Variants in ENPP2 observed in about 807,000 individuals in gnomAD.
ENPP2 encodes the protein autotaxin.
A neutral mutation model predicts 120.2 loss-of-function variants in ENPP2; 51 were observed. The observed-to-expected ratio is 0.42, with a 90% CI of 0.34 to 0.54. ENPP2 has a LOEUF of 0.54. Ranked by LOEUF, ENPP2 falls within the 20% of genes least tolerant of loss-of-function variation. The pLI is 0.04. For synonymous variants in ENPP2, 365 were observed against 366.4 expected (o/e 1.00, Z 0.04); for missense variants, 920 against 1,066.5 (o/e 0.86, Z 1.91).
chr8:119,582,164 G>A (rs540398227), intron 18 of ENPP2, among the ~76,000 whole-genome samples: 198 of 152,306 alleles, frequency 1.3e-3, no homozygotes, highest in African/African-American at 4.6e-3. Flanking sequence ...GCACAGAATA[G>A]CAACATGAAT....
chr8:119,577,108 T>C (rs548674393), intron 19 of ENPP2, among the ~76,000 whole-genome samples: 2 of 152,338 alleles, frequency 1.3e-5, no homozygotes, highest in South Asian at 4.1e-4. Context: ...ATTAAAACAG[T>C]CACATATAAA....
At chr8:119,656,264 A>C (rs1001261111) in intron 1 of ENPP2, among the ~76,000 whole-genome samples, 2 of 152,140 alleles carry the variant, frequency 1.3e-5, no homozygotes, top group African/African-American at 4.8e-5. Context: ...TTTTGCAATT[A>C]ATCTCATGTG....
intron 1 of ENPP2, among the ~76,000 whole-genome samples, chr8:119,665,351 G>T (rs1818039699): frequency 6.6e-6 from 1 of 152,154 alleles, no homozygotes; most frequent in Admixed American, 6.5e-5. Flanking sequence ...CTTCCTGCTT[G>T]TTGGGTCTTT....
intron 11 of ENPP2, chr8:119,596,113 G>A: frequency 3.0e-6 from 3 of 996,848 alleles, no homozygotes; most frequent in Non-Finnish European, 4.4e-6. Flanking sequence ...AATAACTAAG[G>A]CTCCTTAAGT....
intron 15 of ENPP2, among the ~76,000 whole-genome samples, chr8:119,584,766 T>A (rs1812991651): frequency 6.6e-6 from 1 of 152,220 alleles, no homozygotes; most frequent in Non-Finnish European, 1.5e-5. Context: ...AGACACCTTT[T>A]GCAAAAGTGT....
chr8:119,652,225 T>C (rs1200800109), intron 1 of ENPP2, among the ~76,000 whole-genome samples: 3 of 152,110 alleles, frequency 2.0e-5, no homozygotes, highest in African/African-American at 7.2e-5. Flanking sequence ...GTCTTTTATA[T>C]AAGAACATTG....
chr8:119,623,681 A>T (rs143215346), intron 3 of ENPP2, among the ~76,000 whole-genome samples: 1,897 of 151,980 alleles, frequency 0.012, 34 homozygotes, highest in African/African-American at 0.044. Context: ...GCTAGAGTGC[A>T]GTGGCATAAT....
At chr8:119,657,215 G>A (rs976461153) in intron 1 of ENPP2, among the ~76,000 whole-genome samples, 6 of 152,152 alleles carry the variant, frequency 3.9e-5, no homozygotes, top group Non-Finnish European at 8.8e-5. Context: ...ATGAGCCACC[G>A]CTGCTAGACT....
At chr8:119,562,268 C>A (rs993151064) in intron 24 of ENPP2, among the ~76,000 whole-genome samples, 5 of 151,798 alleles carry the variant, frequency 3.3e-5, no homozygotes, top group Admixed American at 6.6e-5. Flanking sequence ...CATGGTGAAA[C>A]CCCATCTCTA....
Position 119,665,770 on chromosome 8 carries a change from G to C in ENPP2, c.21+7482C>G, listed in dbSNP as rs551411017. Reference sequence around the variant, plus strand: ...ATAAAAATGACATTTTAAAAGCAAAGTTAGCCTTTTTTTAACTCATGCTTT... The same window carrying C: ...ATAAAAATGACATTTTAAAAGCAAACTTAGCCTTTTTTTAACTCATGCTTT... On this transcript the variant is annotated intron_variant, in intron 1 of 25. Coordinates refer to the ENPP2 transcript ENST00000427067. Among the ~76,000 whole-genome samples the C allele has an allele frequency of 2.6e-5, 4 of 152,274 alleles. No individual in the cohort carries two copies. The East Asian group carries it at 7.7e-4, about 29-fold the overall frequency.
intron 13 of ENPP2, among the ~76,000 whole-genome samples, chr8:119,587,551 G>A (rs1286998377): frequency 1.3e-5 from 2 of 152,134 alleles, no homozygotes; most frequent in Non-Finnish European, 2.9e-5. Context: ...TTTTTTAAAA[G>A]GGAGTTTGTT....
At chr8:119,645,676 G>A (rs1481914570) in intron 1 of ENPP2, among the ~76,000 whole-genome samples, 4 of 151,924 alleles carry the variant, frequency 2.6e-5, no homozygotes, top group East Asian at 2.0e-4. Context: ...TTAGGCGGGC[G>A]TGGTGGCACA....
chr8:119,621,389 C>T lies in ENPP2; in HGVS notation c.418+5G>A, dbSNP rs374834017. 8 of 1,612,710 alleles carry T rather than the reference C, an allele frequency of 5.0e-6. No homozygotes were observed. The highest frequency in any genetic ancestry group is 6.8e-6 in the Non-Finnish European group (8 of 1,179,004). On this transcript the variant is annotated splice_donor_5th_base_variant and intron_variant, in intron 4 of 24. Transcript: ENST00000075322. Reference sequence around the variant, plus strand: ...AAGCTCAGGCCAATCCAAAGAAACACGTACCTTTGCAAACCACTTGGTAAT... The same window carrying T: ...AAGCTCAGGCCAATCCAAAGAAACATGTACCTTTGCAAACCACTTGGTAAT...
At chr8:119,667,396 A>G (rs907511531) in intron 1 of ENPP2, among the ~76,000 whole-genome samples, 1 of 152,270 alleles carries the variant, frequency 6.6e-6, no homozygotes, top group East Asian at 1.9e-4. Context: ...GCTGAAATGT[A>G]TCTCCTTGTG....
upstream of ENPP2, among the ~76,000 whole-genome samples, chr8:119,640,221 G>A (rs1442802954): frequency 6.6e-6 from 1 of 152,140 alleles, no homozygotes; most frequent in Non-Finnish European, 1.5e-5. Context: ...TTGCACTGTT[G>A]CAAAGAGGAC....
chr8:119,659,169 T>G (rs1270143350), intron 1 of ENPP2, among the ~76,000 whole-genome samples: 1 of 151,738 alleles, frequency 6.6e-6, no homozygotes, highest in East Asian at 1.9e-4. Context: ...ACACAAAAGT[T>G]AGCCAGATGT....
At chr8:119,657,985 T>C (rs943150832) in intron 1 of ENPP2, among the ~76,000 whole-genome samples, 4 of 152,208 alleles carry the variant, frequency 2.6e-5, no homozygotes, top group African/African-American at 9.7e-5. Context: ...AATGGGTGAA[T>C]GAATGATTTT....
At chr8:119,563,069 T>G (rs1281268462) in intron 23 of ENPP2, 56 bp from the exon 24 acceptor site, 1 of 1,484,180 alleles carries the variant, frequency 6.7e-7, no homozygotes, top group African/African-American at 1.4e-5. Context: ...TGAAGCTTTC[T>G]TTTTTAAATG....
intron 8 of ENPP2, among the ~76,000 whole-genome samples, chr8:119,612,541 TACC>T (rs1815182289): frequency 6.6e-6 from 1 of 152,326 alleles, no homozygotes; most frequent in African/African-American, 2.4e-5. Flanking sequence ...CAACTCATTG[TACC>T]ACCAATACTG....
Sources: allele counts gnomAD v4.1 joint callset (sites outside exome capture counted in the v4.1 genomes callset), GRCh38; gene constraint gnomAD v4.1.1; transcripts MANE v1.5; gene names NCBI Gene and HGNC (gene_info 2026-07-23, HGNC 2026-07-21).